The following FAM13B variants were observed in gnomAD, a reference collection of about 807,000 sequenced individuals.
The protein encoded by FAM13B is protein FAM13B.
A neutral mutation model predicts 117.3 loss-of-function variants in FAM13B; 60 were observed. The observed-to-expected ratio is 0.51, with a 90% CI of 0.42 to 0.63. The LOEUF (loss-of-function observed/expected upper bound fraction) is 0.63, where lower values mean the gene tolerates loss of function less well. FAM13B is among the 30% of genes least tolerant of loss of function. The pLI, the probability that FAM13B is intolerant of heterozygous loss-of-function variation, is 0.00. For missense variants in FAM13B, 972 were observed against 1,091.9 expected, an observed-to-expected ratio of 0.89 and a Z score of 1.55; for synonymous variants, 332 against 356.1, an observed-to-expected ratio of 0.93 and a Z score of 0.76.
chr5:137,979,809 C>G (rs906525714), intron 10 of FAM13B, among the ~76,000 whole-genome samples: 2 of 152,096 alleles, frequency 1.3e-5, no homozygotes, highest in South Asian at 2.1e-4. Flanking sequence ...CCTAATAGCA[C>G]TAGTCATATT....
intron 1 of FAM13B, among the ~76,000 whole-genome samples, chr5:138,024,760 A>C (rs1012273015): frequency 4.6e-5 from 7 of 151,914 alleles, no homozygotes; most frequent in South Asian, 2.1e-4. Context: ...TATTTCCAAA[A>C]GCATACTGTT....
At chr5:137,969,221 A>T (rs1377254890) in intron 10 of FAM13B, among the ~76,000 whole-genome samples, 138 of 152,286 alleles carry the variant, frequency 9.1e-4, no homozygotes, top group Middle Eastern at 3.4e-3. Context: ...GTCTGACAGC[A>T]TTGAAGAGAG....
intron 7 of FAM13B, among the ~76,000 whole-genome samples, chr5:137,996,682 T>C (rs1368789143): frequency 6.6e-6 from 1 of 151,186 alleles, no homozygotes; most frequent in Non-Finnish European, 1.5e-5. Flanking sequence ...ACCTCCACCT[T>C]CCGCGTTCAA....
In FAM13B at chr5:137,975,281, C is replaced by T. The variant is rs1773588996; in HGVS notation, c.1179+9976G>A. The stretch of plus-strand genomic sequence containing the variant: ...CCTTACTGTCACCGCTTGAAAACTT[C>T]ATTCTAAATTTCTAATCCACCCAAC... On this transcript the variant is annotated intron_variant, in intron 10 of 23. Coordinates refer to ENST00000689681, the MANE Select transcript of FAM13B (RefSeq NM_001385994.1). 2.6e-5 allele frequency among the ~76,000 whole-genome samples: 4 copies of T among 152,160 alleles called. No homozygotes were observed. In the South Asian group the frequency reaches 8.3e-4, roughly 32 times the overall value.
intron 18 of FAM13B, among the ~76,000 whole-genome samples, chr5:137,947,587 C>CT (rs753491185): frequency 1.1e-3 from 155 of 145,588 alleles, no homozygotes; most frequent in Non-Finnish European, 1.2e-3. Context: ...AAAAAAATTT[C>CT]TTTTTTTTTT....
intron 7 of FAM13B, among the ~76,000 whole-genome samples, chr5:138,002,732 CT>C (rs1277851397): frequency 7.5e-6 from 1 of 133,464 alleles, no homozygotes; most frequent in Non-Finnish European, 1.5e-5. Context: ...GGGGCGACAT[CT>C]CGGCTCACTG....
chr5:138,011,716 C>T (rs1581247302), intron 5 of FAM13B, 52 bp downstream of exon 5: 1 of 1,392,278 alleles, frequency 7.2e-7, no homozygotes, highest in Non-Finnish European at 9.9e-7. Context: ...CCGTGCCCGG[C>T]CTCACATATC....
Position 137,984,325 on chromosome 5 carries a change from C to T in FAM13B, c.1179+932G>A, listed in dbSNP as rs552396944. 3.9e-5 allele frequency among the ~76,000 whole-genome samples: 6 copies of T among 152,260 alleles called. No homozygotes were observed. The East Asian group carries it at 7.7e-4, about 20-fold the overall frequency. On this transcript the variant is annotated intron_variant, in intron 10 of 23. Transcript: ENST00000689681. ...TTTCTACGGGTGTCTCCTCTCTGTA[C>T]GAGCAAGAGAAAGATGACTCTAAAT... is the stretch of plus-strand genomic sequence containing the variant.
chr5:138,021,676 G>A (rs1786762532), intron 1 of FAM13B, among the ~76,000 whole-genome samples: 1 of 152,114 alleles, frequency 6.6e-6, no homozygotes, highest in Non-Finnish European at 1.5e-5. Flanking sequence ...CCCTAATTTA[G>A]AGAAGCGATA....
At position 137,988,313 on chromosome 5, in the gene FAM13B, G is replaced by A; in HGVS notation, c.851C>T (p.Thr284Ile). 1 of 1,558,918 alleles carries A rather than the reference G, an allele frequency of 6.4e-7. No individual in the cohort carries two copies. Among genetic ancestry groups the A allele is most frequent in the Admixed American group, 2.2e-5 (1 of 45,022 alleles). ...TAGGATGCTGATGGGAGATATATGG[G>A]TGCTGCAATCAAAGAAAGAAATTAG... Reference protein sequence around the residue: ...LESNSVTATSTHISPISILPA... With the variant: ...LESNSVTATSIHISPISILPA... Residue 284 changes from threonine to isoleucine, a missense_variant and splice_region_variant, in exon 8 of 24, where the codon ACC (threonine) becomes ATC (isoleucine). Physicochemically the swap from Thr to Ile is moderately conservative, Grantham distance 89. Coordinates refer to ENST00000689681, the MANE Select transcript of FAM13B (RefSeq NM_001385994.1).
intron 17 of FAM13B, among the ~76,000 whole-genome samples, chr5:137,950,651 A>T (rs1459579071): frequency 1.3e-5 from 2 of 152,172 alleles, no homozygotes; most frequent in Non-Finnish European, 2.9e-5. Context: ...CTCCTGCCTC[A>T]GCCTCCAGAG....
intron 10 of FAM13B, among the ~76,000 whole-genome samples, chr5:137,980,450 T>C (rs1775383270): frequency 6.7e-6 from 1 of 148,474 alleles, no homozygotes; most frequent in Non-Finnish European, 1.5e-5. Flanking sequence ...CTTTTTTTTT[T>C]TTTTTTTTTT....
At chr5:137,946,161 C>T in intron 19 of FAM13B, 67 bp downstream of exon 19, 4 of 1,408,326 alleles carry the variant, frequency 2.8e-6, no homozygotes, top group Non-Finnish European at 3.0e-6. Context: ...AGAATGTAGG[C>T]CACAAAATTG....
chr5:137,971,657 A>G (rs1772188699), intron 10 of FAM13B, among the ~76,000 whole-genome samples: 1 of 152,034 alleles, frequency 6.6e-6, no homozygotes, highest in Non-Finnish European at 1.5e-5. Context: ...CCTTCAAAAA[A>G]TTAACGAATC....
chr5:138,011,541 T>G (rs574798017), intron 5 of FAM13B, among the ~76,000 whole-genome samples: 1 of 152,106 alleles, frequency 6.6e-6, no homozygotes, highest in Admixed American at 6.5e-5. Context: ...TGTCTCAGCC[T>G]CCCGAGCAGC....
chr5:137,998,623 C>A (rs1226160279), intron 7 of FAM13B, among the ~76,000 whole-genome samples: 1 of 152,124 alleles, frequency 6.6e-6, no homozygotes, highest in Non-Finnish European at 1.5e-5. Context: ...AATTTTCAAG[C>A]AAAAATCAAA....
rs1158179498 is a variant in FAM13B at position 137,968,438 on chromosome 5, CAAA to C, written c.1180-5972_1180-5970del. 1.2e-4 allele frequency among the ~76,000 whole-genome samples: 7 copies of C among 57,938 alleles called. No homozygotes were observed. In the East Asian group the frequency reaches 2.1e-3, roughly 17 times the overall value. 38.0% of individuals were successfully genotyped at this position (57,938 alleles called of 152,430 possible). ...CCTGGGCAAGACTGAGACTCTGTCT[CAAA>C]AAAAAAAAAAAAAAAAATTCTTAAG... On this transcript the variant is annotated intron_variant, in intron 10 of 23. Coordinates refer to ENST00000689681, the MANE Select transcript of FAM13B (RefSeq NM_001385994.1).
At chr5:138,036,183 G>A, upstream of FAM13B, 1 of 353,094 alleles carries the variant, frequency 2.8e-6, no homozygotes, top group Non-Finnish European at 5.6e-6. Flanking sequence ...TTATTTTAAT[G>A]TTTTTCCAGC....
intron 10 of FAM13B, among the ~76,000 whole-genome samples, chr5:137,983,929 T>C (rs1037498739): frequency 6.6e-6 from 1 of 152,168 alleles, no homozygotes; most frequent in African/African-American, 2.4e-5. Flanking sequence ...GTGGATGGTT[T>C]AGAATGAAAA....
Sources: gnomAD v4.1 joint callset for allele counts (sites outside exome capture counted in the v4.1 genomes callset) on GRCh38, gnomAD v4.1.1 for gene constraint, MANE v1.5 for transcripts, NCBI Gene and HGNC (gene_info 2026-07-23, HGNC 2026-07-21) for gene names.